The following LINC00305 variants were observed in gnomAD, a reference collection of about 807,000 sequenced individuals.
The protein encoded by LINC00305 is long independently transcribed non-coding RNA 305, also known as long intergenic non-protein coding RNA 305.
At chr18:64,127,722 C>T (rs2051391590) in intron 1 of LINC00305, among the ~76,000 whole-genome samples, 1 of 152,104 alleles carries the variant, frequency 6.6e-6, no homozygotes, top group South Asian at 2.1e-4. Context: ...TGGACCCAAT[C>T]TCTGTTCGAA....
intron 1 of LINC00305, among the ~76,000 whole-genome samples, chr18:64,143,765 ATTATGCGTACAT>A: frequency 6.6e-6 from 1 of 150,730 alleles, no homozygotes; most frequent in East Asian, 1.9e-4. Context: ...ATGTACACAT[ATTATGCGTACAT>A]GTATGTACAC....
At chr18:64,127,045 C>T (rs762320371) in intron 1 of LINC00305, among the ~76,000 whole-genome samples, 1 of 151,994 alleles carries the variant, frequency 6.6e-6, no homozygotes, top group Non-Finnish European at 1.5e-5. Flanking sequence ...ACATATATCC[C>T]AGTTACAGAT....
intron 1 of LINC00305, among the ~76,000 whole-genome samples, chr18:64,102,084 C>T (rs1238486876): frequency 6.6e-6 from 1 of 152,140 alleles, no homozygotes; most frequent in African/African-American, 2.4e-5. Flanking sequence ...TCCTGTGTTC[C>T]GATGCCCCCA....
At chr18:64,141,491 A>G (rs1258256001) in intron 1 of LINC00305, among the ~76,000 whole-genome samples, 1 of 152,148 alleles carries the variant, frequency 6.6e-6, no homozygotes, top group Non-Finnish European at 1.5e-5. Flanking sequence ...AAGTGAAAAT[A>G]AAAAAGGGGG....
chr18:64,102,983 T>A (rs1314534515), intron 1 of LINC00305, among the ~76,000 whole-genome samples: 1 of 152,196 alleles, frequency 6.6e-6, no homozygotes, highest in Non-Finnish European at 1.5e-5. Flanking sequence ...GAGCCAGTGA[T>A]CAACTTATGT....
At chr18:64,136,202 T>C (rs11152422) in intron 1 of LINC00305, among the ~76,000 whole-genome samples, 32,169 of 152,120 alleles carry the variant, frequency 0.21, 3,670 homozygotes, top group Non-Finnish European at 0.24. Flanking sequence ...ACTGATTGTG[T>C]GTGTATGATA....
chr18:64,131,607 A>T (rs148592522), intron 1 of LINC00305, among the ~76,000 whole-genome samples: 90 of 152,330 alleles, frequency 5.9e-4, no homozygotes, highest in African/African-American at 2.1e-3. Flanking sequence ...GCATCTGTCC[A>T]TGAAGGGCTC....
intron 1 of LINC00305, among the ~76,000 whole-genome samples, chr18:64,131,526 C>T (rs927707298): frequency 1.3e-5 from 2 of 152,158 alleles, no homozygotes; most frequent in African/African-American, 4.8e-5. Context: ...AAAGTGCCTG[C>T]TTCTGTATTG....
At chr18:64,141,098 A>AAGAAGAGTG (rs2051460854) in intron 1 of LINC00305, among the ~76,000 whole-genome samples, 1 of 151,278 alleles carries the variant, frequency 6.6e-6, no homozygotes, top group Admixed American at 6.6e-5. Context: ...CTGGAGCCTG[A>AAGAAGAGTG]AGAAGAGTGC....
chr18:64,146,170 A>T (rs1055518829), intron 1 of LINC00305, among the ~76,000 whole-genome samples: 11 of 152,170 alleles, frequency 7.2e-5, no homozygotes, highest in Admixed American at 6.5e-4. Context: ...TGGTCGAAAT[A>T]AGTTATGGTT....
intron 1 of LINC00305, among the ~76,000 whole-genome samples, chr18:64,138,235 C>T (rs1402002142): frequency 4.6e-5 from 7 of 152,248 alleles, no homozygotes; most frequent in East Asian, 3.9e-4. Flanking sequence ...AAGATCCGGG[C>T]TGCTCTCTCA....
chr18:64,147,078 G>A (rs1056013534), intron 1 of LINC00305: 5 of 152,120 alleles, frequency 3.3e-5, no homozygotes, highest in African/African-American at 9.7e-5. Flanking sequence ...TAGTGTAAAA[G>A]AATCATAGCA....
intron 1 of LINC00305, among the ~76,000 whole-genome samples, chr18:64,107,169 C>G (rs1308537956): frequency 6.6e-6 from 1 of 152,136 alleles, no homozygotes; most frequent in Non-Finnish European, 1.5e-5. Flanking sequence ...AAATAATAGT[C>G]TTTGGTGGAG....
chr18:64,120,985 G>A (rs1356528913), intron 1 of LINC00305, among the ~76,000 whole-genome samples: 1 of 151,936 alleles, frequency 6.6e-6, no homozygotes, highest in Non-Finnish European at 1.5e-5. Context: ...CAAAAATTTG[G>A]TAAACTTTAA....
intron 1 of LINC00305, among the ~76,000 whole-genome samples, chr18:64,109,868 G>A (rs1015850956): frequency 2.0e-5 from 3 of 152,220 alleles, no homozygotes; most frequent in African/African-American, 7.2e-5. Flanking sequence ...TCTCCACTCC[G>A]AGCTTGTCCA....
intron 1 of LINC00305, among the ~76,000 whole-genome samples, chr18:64,115,143 G>C (rs955024545): frequency 2.0e-5 from 3 of 152,196 alleles, no homozygotes; most frequent in Non-Finnish European, 4.4e-5. Context: ...ACTCATCTCC[G>C]CCTTATCTTC....
intron 1 of LINC00305, among the ~76,000 whole-genome samples, chr18:64,099,780 A>G (rs2051261037): frequency 6.6e-6 from 1 of 152,164 alleles, no homozygotes; most frequent in Admixed American, 6.5e-5. Context: ...TAATGTTTAC[A>G]TCCTTCAAGT....
At chr18:64,143,817 A>G (rs1350638761) in intron 1 of LINC00305, among the ~76,000 whole-genome samples, 1 of 148,872 alleles carries the variant, frequency 6.7e-6, no homozygotes, top group African/African-American at 2.6e-5. Flanking sequence ...GTATACATAT[A>G]TACACAGAGA....
At chr18:64,148,901 C>T (rs1445952490) in exon 1 of LINC00305, 7 of 152,330 alleles carry the variant, frequency 4.6e-5, no homozygotes, top group African/African-American at 1.7e-4. Flanking sequence ...TTGTGCCACT[C>T]TGTGAGTCAC....
Sources: allele counts gnomAD v4.1 joint callset (sites outside exome capture counted in the v4.1 genomes callset), GRCh38; gene constraint gnomAD v4.1.1; transcripts MANE v1.5; gene names NCBI Gene and HGNC (gene_info 2026-07-23, HGNC 2026-07-21).